KIAA1217: variants seen among roughly 807,000 people sequenced by gnomAD.
KIAA1217 encodes the protein sickle tail protein homolog.
A neutral mutation model predicts 163.9 loss-of-function variants in KIAA1217; 88 were observed. The ratio of observed to expected loss-of-function variants is 0.54; its 90% CI spans 0.45 to 0.64. The LOEUF (loss-of-function observed/expected upper bound fraction) is 0.64. KIAA1217 is among the 30% of genes least tolerant of loss of function. The pLI, the probability that KIAA1217 is intolerant of heterozygous loss-of-function variation, is 0.00. For synonymous variants in KIAA1217, 903 were observed against 923.1 expected (o/e 0.98, Z 0.39); for missense variants, 2,372 against 2,475.0 (o/e 0.96, Z 0.88).
chr10:24,353,311 G>T (rs10764464), intron 2 of KIAA1217, among the ~76,000 whole-genome samples: 69,858 of 151,962 alleles, frequency 0.46, 16,131 homozygotes, highest in East Asian at 0.53. Flanking sequence ...ATCTCTGTTT[G>T]TCCTTCTCTT....
chr10:23,937,307 G>A (rs1843573556), intron 1 of KIAA1217, among the ~76,000 whole-genome samples: 1 of 152,166 alleles, frequency 6.6e-6, no homozygotes, highest in Admixed American at 6.5e-5. Flanking sequence ...CCCTTGGGTT[G>A]GAGAGTAGCA....
At position 24,319,375 on chromosome 10, in the gene KIAA1217, C is replaced by CAA. The variant is rs34410717; in HGVS notation, c.355-61465_355-61464dup. On this transcript the variant is annotated intron_variant, in intron 2 of 20. Transcript: ENST00000376454. Reference sequence around the variant, plus strand: ...TGGGTGACAGAGCGAGACGTTGTCTCAAAAAAAAAAAAAAAAAAAAAAAAA... The same window carrying CAA: ...TGGGTGACAGAGCGAGACGTTGTCTCAAAAAAAAAAAAAAAAAAAAAAAAAAA... Among the ~76,000 whole-genome samples, 223 of 45,818 alleles carry CAA rather than the reference C, an allele frequency of 4.9e-3. 19 individuals are homozygous for CAA. The highest frequency in any genetic ancestry group is 0.029 in the Middle Eastern group (1 of 34). 30.1% of individuals were successfully genotyped at this position (45,818 alleles called of 152,430 possible). A position where few individuals can be genotyped will look rare whatever the true frequency, so the allele number is the denominator to read the frequency against.
chr10:23,743,086 G>A (rs1034119343), intron 1 of KIAA1217, among the ~76,000 whole-genome samples: 3 of 152,096 alleles, frequency 2.0e-5, no homozygotes, highest in Admixed American at 6.5e-5. Flanking sequence ...GTGGGGCAGG[G>A]GAGAAAAACA....
At chr10:23,956,540 C>T (rs1231321800) in intron 1 of KIAA1217, among the ~76,000 whole-genome samples, 1 of 152,108 alleles carries the variant, frequency 6.6e-6, no homozygotes, top group Non-Finnish European at 1.5e-5. Flanking sequence ...TTACCAAATC[C>T]TGTTGACTCT....
chr10:23,894,917 CT>C (rs753020428), intron 1 of KIAA1217, among the ~76,000 whole-genome samples: 26 of 151,988 alleles, frequency 1.7e-4, no homozygotes, highest in Non-Finnish European at 3.2e-4. Context: ...ATAAATGGTG[CT>C]GGGAAAACTG....
chr10:24,341,582 G>C (rs1172867166), intron 2 of KIAA1217, among the ~76,000 whole-genome samples: 2 of 152,138 alleles, frequency 1.3e-5, no homozygotes, highest in Non-Finnish European at 1.5e-5. Flanking sequence ...TTGAATCAGG[G>C]AAACGAAGTG....
chr10:24,428,050 AT>A (rs72213769), intron 3 of KIAA1217, among the ~76,000 whole-genome samples: 12,940 of 151,962 alleles, frequency 0.085, 694 homozygotes, highest in African/African-American at 0.16. Context: ...GTTTAGGCCC[AT>A]TTTTTTTCCT....
intron 4 of KIAA1217, among the ~76,000 whole-genome samples, chr10:24,437,194 C>A (rs548932730): frequency 1.3e-5 from 2 of 152,240 alleles, no homozygotes; most frequent in South Asian, 4.2e-4. Context: ...TGGGGAGCTC[C>A]TTTAGTGAAA....
chr10:23,906,610 C>A (rs935487848), intron 1 of KIAA1217, among the ~76,000 whole-genome samples: 1 of 152,090 alleles, frequency 6.6e-6, no homozygotes, highest in Non-Finnish European at 1.5e-5. Flanking sequence ...GGATAAACTA[C>A]TTAAGAAAGT....
chr10:24,146,635 G>T (rs1050724339), intron 2 of KIAA1217, among the ~76,000 whole-genome samples: 4 of 151,960 alleles, frequency 2.6e-5, no homozygotes, highest in Admixed American at 2.6e-4. Context: ...GTGAGCGGTG[G>T]TTGCACCACT....
intron 2 of KIAA1217, among the ~76,000 whole-genome samples, chr10:24,020,173 G>A (rs979645694): frequency 4.6e-4 from 70 of 152,098 alleles, no homozygotes; most frequent in Admixed American, 2.2e-3. Context: ...CTTCTAGAGC[G>A]TTGGGTGAGA....
intron 1 of KIAA1217, among the ~76,000 whole-genome samples, chr10:23,879,207 T>C (rs1840839325): frequency 6.6e-6 from 1 of 151,890 alleles, no homozygotes; most frequent in South Asian, 2.1e-4. Flanking sequence ...CTGTAATTGG[T>C]CTGTGATGGA....
At chr10:24,291,391 A>T (rs931631038) in intron 2 of KIAA1217, among the ~76,000 whole-genome samples, 1 of 152,176 alleles carries the variant, frequency 6.6e-6, no homozygotes, top group African/African-American at 2.4e-5. Flanking sequence ...GTAGCCAGGC[A>T]TGGTGGCAGG....
At chr10:23,710,669 T>C (rs1817540536) in intron 1 of KIAA1217, among the ~76,000 whole-genome samples, 3 of 152,238 alleles carry the variant, frequency 2.0e-5, no homozygotes, top group African/African-American at 7.2e-5. Context: ...TGGAGACAGT[T>C]CAAGTTGTGT....
At chr10:24,281,233 AAC>A (rs1276705345) in intron 2 of KIAA1217, among the ~76,000 whole-genome samples, 4 of 152,226 alleles carry the variant, frequency 2.6e-5, no homozygotes, top group African/African-American at 7.2e-5. Context: ...AACCAATATT[AAC>A]ACAGTTATTA....
intron 2 of KIAA1217, among the ~76,000 whole-genome samples, chr10:24,034,562 C>CAAAA (rs773055132): frequency 1.8e-5 from 2 of 110,242 alleles, no homozygotes; most frequent in East Asian, 2.8e-4. Flanking sequence ...GACCCTGTCT[C>CAAAA]AAAAAAAAAA....
intron 10 of KIAA1217, among the ~76,000 whole-genome samples, chr10:24,518,745 A>T (rs2070615772): frequency 6.6e-6 from 1 of 152,176 alleles, no homozygotes; most frequent in South Asian, 2.1e-4. Context: ...CGTGTCAAGA[A>T]TCCAATAGCT....
chr10:24,009,727 C>T (rs963683358), intron 2 of KIAA1217, among the ~76,000 whole-genome samples: 1 of 152,100 alleles, frequency 6.6e-6, no homozygotes, highest in Non-Finnish European at 1.5e-5. Context: ...GGATTTGAAC[C>T]GAGCTCTGGA....
intron 2 of KIAA1217, among the ~76,000 whole-genome samples, chr10:24,366,416 G>T (rs943495832): frequency 2.0e-4 from 31 of 152,138 alleles, no homozygotes; most frequent in Non-Finnish European, 1.6e-4. Context: ...CTGCACTCCA[G>T]CCTGGGCGAC....
Sources: gnomAD v4.1 joint callset for allele counts (sites outside exome capture counted in the v4.1 genomes callset) on GRCh38, gnomAD v4.1.1 for gene constraint, MANE v1.5 for transcripts, NCBI Gene and HGNC (gene_info 2026-07-23, HGNC 2026-07-21) for gene names.